The following ACKR3 variants were observed in gnomAD, a reference collection of about 807,000 sequenced individuals.
ACKR3 encodes the protein atypical chemokine receptor 3.
A neutral mutation model predicts 22.4 loss-of-function variants in ACKR3; 6 were observed. The ratio of observed to expected loss-of-function variants is 0.27; its 90% CI spans 0.15 to 0.53. The LOEUF (loss-of-function observed/expected upper bound fraction) is 0.53. ACKR3 is among the 20% of genes least tolerant of loss of function. ACKR3 has a pLI of 0.96. For synonymous variants in ACKR3, 209 were observed against 205.2 expected (o/e 1.02, Z -0.16); for missense variants, 396 against 475.2 (o/e 0.83, Z 1.55).
the ACKR3 span, among the ~76,000 whole-genome samples, chr2:236,555,942 G>A: frequency 0.25 from 37,515 of 152,072 alleles, 6,630 homozygotes; most frequent in African/African-American, 0.5. Flanking sequence ...TAGGGACAGC[G>A]TATTTAGAAA....
intron 1 of ACKR3, among the ~76,000 whole-genome samples, chr2:236,575,891 GT>G (rs146625994): frequency 0.025 from 3,853 of 152,276 alleles, 54 homozygotes; most frequent in South Asian, 0.056. Flanking sequence ...AAAACATCTT[GT>G]GTACATTTGG....
At chr2:236,540,417 T>C in the ACKR3 span, among the ~76,000 whole-genome samples, 1 of 152,064 alleles carries the variant, frequency 6.6e-6, no homozygotes, top group Non-Finnish European at 1.5e-5. Context: ...TTCTATATTC[T>C]GGACACCAGC....
At chr2:236,539,996 C>T in the ACKR3 span, among the ~76,000 whole-genome samples, 1 of 152,176 alleles carries the variant, frequency 6.6e-6, no homozygotes, top group East Asian at 1.9e-4. Context: ...TCCACCTTGC[C>T]CCGTCCTTGA....
rs1479781163 is a variant in ACKR3 at position 236,577,958 on chromosome 2, A to G, written c.-26-2482A>G. 6.6e-6 allele frequency among the ~76,000 whole-genome samples: 1 copy of G among 152,112 alleles called. No homozygotes were observed. Among genetic ancestry groups the G allele is most frequent in the Non-Finnish European group, 1.5e-5 (1 of 68,016 alleles). ...CATTCAAGCTCCTCTGCTCCCCGGG[A>G]CTCTGGGGTCAGATGAGATCATGGG... On this transcript the variant is annotated intron_variant, in intron 1 of 1. Transcript: ENST00000272928. The surrounding 1 kb of genome is among the most constrained non-coding windows in gnomAD (Gnocchi z 5.6).
At chr2:236,551,824 C>T in the ACKR3 span, among the ~76,000 whole-genome samples, 1 of 152,270 alleles carries the variant, frequency 6.6e-6, no homozygotes, top group African/African-American at 2.4e-5. Flanking sequence ...TTCTCTGAGC[C>T]TTGCATGTGG....
intron 1 of ACKR3, among the ~76,000 whole-genome samples, chr2:236,571,438 C>G (rs1691306133): frequency 6.6e-6 from 1 of 152,082 alleles, no homozygotes; most frequent in Non-Finnish European, 1.5e-5. Context: ...AAGGGGCAGA[C>G]ATTGCAGACG....
At chr2:236,561,703 G>GCTGGT in the ACKR3 span, among the ~76,000 whole-genome samples, 1 of 152,172 alleles carries the variant, frequency 6.6e-6, no homozygotes, top group Non-Finnish European at 1.5e-5. Context: ...TGTTGGCCAG[G>GCTGGT]CTGGTCTCAA....
intron 1 of ACKR3, among the ~76,000 whole-genome samples, chr2:236,572,015 C>T (rs113780879): frequency 6.6e-6 from 1 of 152,022 alleles, no homozygotes; most frequent in Non-Finnish European, 1.5e-5. Context: ...AACTAAAGAT[C>T]GTGTCATGTC....
the ACKR3 span, among the ~76,000 whole-genome samples, chr2:236,561,627 G>C: frequency 6.6e-6 from 1 of 152,120 alleles, no homozygotes; most frequent in African/African-American, 2.4e-5. Flanking sequence ...GAGTAGCTGG[G>C]ATTACAGGTG....
the ACKR3 span, among the ~76,000 whole-genome samples, chr2:236,555,004 C>T: frequency 6.6e-6 from 1 of 152,244 alleles, no homozygotes; most frequent in Non-Finnish European, 1.5e-5. Flanking sequence ...CCCCCGTCCT[C>T]AGGGTTTAAA....
At position 236,582,320 on chromosome 2, in the gene ACKR3, AT is replaced by A. The variant is rs932154609; in HGVS notation, c.*775del. On this transcript the variant is annotated 3_prime_UTR_variant, in exon 2 of 2. Transcript: ENST00000272928. ...AGAGAGTTCTCTCAATTTGTAAGTT[AT>A]TTTTTTTTAATAAAGATTTTTGTTT... 5.0e-4 allele frequency: 83 copies of A among 166,064 alleles called. No individual in the cohort carries two copies. Among genetic ancestry groups the A allele is most frequent in the Admixed American group, 2.0e-4 (3 of 15,168 alleles). The allele number at this position is 166,064 out of a possible 1,614,324, so 10.3% of individuals were successfully genotyped here. A position where few individuals can be genotyped will look rare whatever the true frequency, so the allele number is the denominator to read the frequency against.
chr2:236,579,604 C>T (rs528889563), intron 1 of ACKR3, among the ~76,000 whole-genome samples: 5 of 152,304 alleles, frequency 3.3e-5, no homozygotes, highest in African/African-American at 1.2e-4. Context: ...AATGGTCAGC[C>T]CTCCTGAAAT....
rs1024174716 is a variant in ACKR3 at position 236,580,932 on chromosome 2, G to A, written c.467G>A (p.Arg156Lys). The A allele has an allele frequency of 5.6e-6, 9 of 1,614,204 alleles. No homozygotes were observed. Among genetic ancestry groups the A allele is most frequent in the Non-Finnish European group, 6.8e-6 (8 of 1,180,040 alleles). ...TACTTCACCAACACCCCCAGCAGCAGGAAGAAGATGGTACGCCGTGTCGTC... is the reference window on the plus strand; with the variant it reads ...TACTTCACCAACACCCCCAGCAGCAAGAAGAAGATGGTACGCCGTGTCGTC... Reference protein sequence around the residue: ...ITYFTNTPSSRKKMVRRVVCI... With the variant: ...ITYFTNTPSSKKKMVRRVVCI... The change falls in exon 2 of 2, where the codon AGG becomes AAG. Residue 156 changes from arginine to lysine, a missense_variant. Coordinates refer to ENST00000272928, the MANE Select transcript of ACKR3 (RefSeq NM_020311.3).
At chr2:236,576,032 C>T (rs974839093) in intron 1 of ACKR3, among the ~76,000 whole-genome samples, 3 of 152,188 alleles carry the variant, frequency 2.0e-5, no homozygotes, top group Non-Finnish European at 4.4e-5. Flanking sequence ...AACCTTAGAA[C>T]CTAAGTGTCA....
intron 1 of ACKR3, among the ~76,000 whole-genome samples, chr2:236,571,829 G>C (rs2167581): frequency 0.093 from 14,078 of 152,042 alleles, 882 homozygotes; most frequent in East Asian, 0.32. Flanking sequence ...CTCAAAGATT[G>C]CAAAACTTTA....
chr2:236,571,618 G>GAAAAAA (rs397988342), intron 1 of ACKR3, among the ~76,000 whole-genome samples: 1 of 76,602 alleles, frequency 1.3e-5, no homozygotes, highest in African/African-American at 4.6e-5. Context: ...CTTTCTGAAT[G>GAAAAAA]AAAAAAAAAA....
In ACKR3 at chr2:236,580,483, C is replaced by T. The variant is rs750658947; in HGVS notation, c.18C>T (p.Phe6=). ...TCAGAACGATGGATCTGCATCTCTT[C>T]GACTACTCAGAGCCAGGGAACTTCT... MDLHL[F]DYSEPGNFSD... is the part of the protein sequence containing the mutation. The change falls in exon 2 of 2, where the codon TTC becomes TTT. Residue 6 remains phenylalanine (F), a synonymous_variant. Coordinates refer to ENST00000272928, the MANE Select transcript of ACKR3 (RefSeq NM_020311.3). 19 of 1,612,184 alleles carry T rather than the reference C, an allele frequency of 1.2e-5. No homozygotes were observed. Among genetic ancestry groups the T allele is most frequent in the Admixed American group, 8.3e-5 (5 of 59,994 alleles).
the ACKR3 span, among the ~76,000 whole-genome samples, chr2:236,540,729 T>C: frequency 6.6e-6 from 1 of 152,352 alleles, no homozygotes; most frequent in East Asian, 1.9e-4. Flanking sequence ...TCCACATTTT[T>C]CCTCCATTTA....
At chr2:236,575,644 G>A (rs897565134) in intron 1 of ACKR3, among the ~76,000 whole-genome samples, 2 of 125,892 alleles carry the variant, frequency 1.6e-5, no homozygotes, top group South Asian at 2.5e-4. Context: ...CTGTGTGTGC[G>A]TGTCTGGGGT....
Sources: gnomAD v4.1 joint callset for allele counts (sites outside exome capture counted in the v4.1 genomes callset) on GRCh38, gnomAD v4.1.1 for gene constraint, Gnocchi (gnomAD v3.1) non-coding constraint, MANE v1.5 for transcripts, NCBI Gene and HGNC (gene_info 2026-07-23, HGNC 2026-07-21) for gene names.